Variants in M1AP observed in about 807,000 individuals in gnomAD.
The protein encoded by M1AP is meiosis 1 arrest protein.
A neutral mutation model predicts 51.2 loss-of-function variants in M1AP; 39 were observed. That is an observed-to-expected ratio of 0.76 (90% CI 0.59 to 1.00). The LOEUF is 1.00. Ranked by LOEUF, M1AP falls within the 50% of genes least tolerant of loss-of-function variation. The probability of loss-of-function intolerance (pLI) is 0.00; values close to 1 mark genes in which losing one functional copy is unlikely to be tolerated. For synonymous variants in M1AP, 251 were observed against 249.2 expected (o/e 1.01, Z -0.07); for missense variants, 545 against 641.2 (o/e 0.85, Z 1.62).
chr2:74,625,097 G>A (rs1281571961), intron 2 of M1AP, among the ~76,000 whole-genome samples: 2 of 152,160 alleles, frequency 1.3e-5, no homozygotes, highest in Non-Finnish European at 2.9e-5. Context: ...ATGAAAATGT[G>A]TCACAGAAAA....
chr2:74,569,006 G>T (rs1678554411), intron 7 of M1AP, among the ~76,000 whole-genome samples: 1 of 152,132 alleles, frequency 6.6e-6, no homozygotes, highest in Non-Finnish European at 1.5e-5. Context: ...TGTGACAAAA[G>T]ACATGTGCCA....
intron 2 of M1AP, among the ~76,000 whole-genome samples, chr2:74,627,336 C>T (rs908234937): frequency 2.6e-5 from 4 of 152,034 alleles, no homozygotes; most frequent in Non-Finnish European, 4.4e-5. Context: ...ATAAAGAGTA[C>T]AAATATCTGT....
chr2:74,558,855 TTGGTC>T lies in M1AP; in HGVS notation c.1449_1453del (p.Thr484ProfsTer79). ...GGGGGCCACAGTAGCTCGAGCTCGG[TTGGTC>T]TGCAACTGCCCAGTCTGCAAAGAGA... On this transcript the variant is annotated frameshift_variant, in exon 11 of 11. Coordinates refer to ENST00000421985, the MANE Select transcript of M1AP (RefSeq NM_001321739.2). LOFTEE classifies it low-confidence loss of function (END_TRUNC). 1 of 1,600,040 alleles carries T rather than the reference TTGGTC, an allele frequency of 6.2e-7. No individual in the cohort carries two copies.
At chr2:74,594,708 T>C (rs1301533968) in intron 4 of M1AP, among the ~76,000 whole-genome samples, 1 of 151,966 alleles carries the variant, frequency 6.6e-6, no homozygotes, top group Non-Finnish European at 1.5e-5. Flanking sequence ...ACTTCATCTC[T>C]ACAAAAAAAA....
At chr2:74,629,093 TA>T (rs1401573969) in intron 2 of M1AP, among the ~76,000 whole-genome samples, 2 of 152,246 alleles carry the variant, frequency 1.3e-5, no homozygotes, top group Non-Finnish European at 2.9e-5. Context: ...GTTTCTGTTT[TA>T]TTAGAGTTTT....
intron 5 of M1AP, among the ~76,000 whole-genome samples, chr2:74,578,791 T>C (rs1375789515): frequency 6.6e-6 from 1 of 152,058 alleles, no homozygotes; most frequent in Non-Finnish European, 1.5e-5. Context: ...GGAGTCAGAG[T>C]GAACATCTGA....
Position 74,648,126 on chromosome 2 carries a change from C to G in M1AP, c.-53+139G>C, listed in dbSNP as rs903829846. On this transcript the variant is annotated intron_variant, in intron 1 of 10. Coordinates refer to ENST00000421985, the MANE Select transcript of M1AP (RefSeq NM_001321739.2). The stretch of plus-strand genomic sequence containing the variant: ...GGAGCCTCTCTCGGCGTCAGTCTTG[C>G]GCCGGCACCCGCCACGGCCAGCGCA... 7 of 976,648 alleles carry G rather than the reference C, an allele frequency of 7.2e-6. No homozygotes were observed. In the South Asian group the frequency reaches 2.4e-4, roughly 33 times the overall value. The allele number at this position is 976,648 out of a possible 1,614,324, so 60.5% of individuals were successfully genotyped here.
chr2:74,601,312 A>G (rs2104677498), intron 4 of M1AP, among the ~76,000 whole-genome samples: 1 of 152,240 alleles, frequency 6.6e-6, no homozygotes, highest in South Asian at 2.1e-4. Context: ...AAAATCCTAG[A>G]TAAATAGCTA....
chr2:74,631,439 C>T (rs955760962), intron 2 of M1AP, among the ~76,000 whole-genome samples: 1 of 152,046 alleles, frequency 6.6e-6, no homozygotes, highest in African/African-American at 2.4e-5. Context: ...CCCTTTATTG[C>T]AGCACTAACT....
At chr2:74,571,624 T>C (rs942468642) in intron 7 of M1AP, among the ~76,000 whole-genome samples, 4 of 152,226 alleles carry the variant, frequency 2.6e-5, no homozygotes, top group African/African-American at 9.6e-5. Context: ...AAGTTTGTAC[T>C]CTATAACATA....
Position 74,618,976 on chromosome 2 carries a change from A to G in M1AP, c.241-3827T>C, listed in dbSNP as rs1001563143. ...TGACAATGTCTTCATCTATAGCAGAACCATGGGCCCTCATCTCTGCCTTCA... is the reference window on the plus strand; with the variant it reads ...TGACAATGTCTTCATCTATAGCAGAGCCATGGGCCCTCATCTCTGCCTTCA... On this transcript the variant is annotated intron_variant, in intron 2 of 10. Transcript: ENST00000421985. The G allele has an allele frequency of 7.5e-6, 4 of 534,144 alleles. No individual in the cohort carries two copies. In the African/African-American group the frequency reaches 7.7e-5, roughly 10 times the overall value. 33.1% of individuals were successfully genotyped at this position (534,144 alleles called of 1,614,324 possible).
chr2:74,563,848 A>C (rs1359584495), intron 7 of M1AP, among the ~76,000 whole-genome samples: 1 of 152,178 alleles, frequency 6.6e-6, no homozygotes, highest in African/African-American at 2.4e-5. Context: ...AAGATTTTGT[A>C]GATGTACCCT....
chr2:74,630,174 T>A (rs1449783924), intron 2 of M1AP, among the ~76,000 whole-genome samples: 1 of 152,162 alleles, frequency 6.6e-6, no homozygotes, highest in African/African-American at 2.4e-5. Context: ...TGGGCTTATG[T>A]GATCCTCCTT....
At chr2:74,646,943 A>G (rs1683647578) in intron 1 of M1AP, among the ~76,000 whole-genome samples, 1 of 152,214 alleles carries the variant, frequency 6.6e-6, no homozygotes, top group Non-Finnish European at 1.5e-5. Context: ...TCTTCCTTAC[A>G]TCCTCAAACA....
At chr2:74,627,914 A>G (rs1209854037) in intron 2 of M1AP, among the ~76,000 whole-genome samples, 1 of 152,190 alleles carries the variant, frequency 6.6e-6, no homozygotes, top group East Asian at 1.9e-4. Context: ...AAAATACTCT[A>G]CAGAAATAAT....
intron 2 of M1AP, among the ~76,000 whole-genome samples, chr2:74,637,663 C>T (rs1683060273): frequency 6.6e-6 from 1 of 152,152 alleles, no homozygotes; most frequent in Admixed American, 6.5e-5. Context: ...ATTTTATGCC[C>T]TACTACTGAG....
chr2:74,612,797 CTCTGAGCTTCCTGGA>C (rs1681446352), intron 3 of M1AP, among the ~76,000 whole-genome samples: 1 of 152,142 alleles, frequency 6.6e-6, no homozygotes, highest in South Asian at 2.1e-4. Flanking sequence ...TAATGGTGTT[CTCTGAGCTTCCTGGA>C]TCTGTGGGTT....
intron 4 of M1AP, among the ~76,000 whole-genome samples, chr2:74,597,639 TAAAC>T (rs1255870863): frequency 6.6e-6 from 1 of 152,236 alleles, no homozygotes; most frequent in Non-Finnish European, 1.5e-5. Context: ...GAGGAAATAT[TAAAC>T]AGATGGTTTG....
At chr2:74,563,027 C>A (rs1190639524) in intron 7 of M1AP, among the ~76,000 whole-genome samples, 1 of 152,118 alleles carries the variant, frequency 6.6e-6, no homozygotes, top group Non-Finnish European at 1.5e-5. Flanking sequence ...TGGTTGTTTG[C>A]TAACAACTGG....
Sources: gnomAD v4.1 joint callset for allele counts (sites outside exome capture counted in the v4.1 genomes callset) on GRCh38, gnomAD v4.1.1 for gene constraint, MANE v1.5 for transcripts, NCBI Gene and HGNC (gene_info 2026-07-23, HGNC 2026-07-21) for gene names.